Variants in IGF2BP2 observed in about 807,000 individuals in gnomAD.
The protein encoded by IGF2BP2 is insulin like growth factor 2 mRNA binding protein 2.
In IGF2BP2, 17 loss-of-function variants were observed where a neutral mutation model predicts 75.8. The observed-to-expected ratio is 0.22, with a 90% CI of 0.15 to 0.34. The LOEUF is 0.34. Ranked by LOEUF, IGF2BP2 falls within the 10% of genes least tolerant of loss-of-function variation. The probability of loss-of-function intolerance (pLI) is 1.00; values close to 1 mark genes in which losing one functional copy is unlikely to be tolerated. For synonymous variants in IGF2BP2, 288 were observed against 295.6 expected (o/e 0.97, Z 0.26); for missense variants, 516 against 772.4 (o/e 0.67, Z 3.93).
At chr3:185,684,273 G>A in intron 7 of IGF2BP2, among the ~76,000 whole-genome samples, 1 of 151,918 alleles carries the variant, frequency 6.6e-6, no homozygotes, top group Non-Finnish European at 1.5e-5. Context: ...GTCCCTTCAG[G>A]GCTCTGTCAC....
chr3:185,646,212 G>A (rs980409904), intron 15 of IGF2BP2, among the ~76,000 whole-genome samples: 1 of 152,160 alleles, frequency 6.6e-6, no homozygotes, highest in African/African-American at 2.4e-5. Context: ...ACAGGGGCGT[G>A]GCCAGGGACT....
chr3:185,763,296 T>C (rs79012218), intron 2 of IGF2BP2, among the ~76,000 whole-genome samples: 128 of 152,320 alleles, frequency 8.4e-4, no homozygotes, highest in African/African-American at 3.0e-3. Flanking sequence ...TTTTCTCTCT[T>C]CAAGGCTGAA....
intron 10 of IGF2BP2, among the ~76,000 whole-genome samples, chr3:185,668,187 G>A (rs1045007865): frequency 2.0e-5 from 3 of 152,016 alleles, no homozygotes; most frequent in African/African-American, 7.3e-5. Flanking sequence ...TAGTGTGCTG[G>A]TTACAAAAAT....
At chr3:185,652,054 G>A (rs1714687255) in intron 13 of IGF2BP2, 40 bp downstream of exon 13, 1 of 1,553,352 alleles carries the variant, frequency 6.4e-7, no homozygotes, top group Non-Finnish European at 8.8e-7. Flanking sequence ...GCTGCTCTGT[G>A]CCCAGAGCCT....
intron 2 of IGF2BP2, among the ~76,000 whole-genome samples, chr3:185,807,799 G>T (rs1362155529): frequency 6.6e-6 from 1 of 152,186 alleles, no homozygotes; most frequent in Non-Finnish European, 1.5e-5. Flanking sequence ...AAGAACTAAG[G>T]CCTCCAGCCA....
intron 2 of IGF2BP2, among the ~76,000 whole-genome samples, chr3:185,801,703 T>C (rs1254764655): frequency 6.6e-6 from 1 of 152,020 alleles, no homozygotes; most frequent in African/African-American, 2.4e-5. Context: ...CATGCTACTA[T>C]AAACACATGC....
intron 2 of IGF2BP2, among the ~76,000 whole-genome samples, chr3:185,737,625 C>T (rs1046958237): frequency 5.3e-5 from 8 of 152,188 alleles, no homozygotes; most frequent in African/African-American, 1.9e-4. Flanking sequence ...TAGTGGCATT[C>T]GCAGTAACAG....
chr3:185,650,275 TC>T, intron 13 of IGF2BP2, among the ~76,000 whole-genome samples: 1 of 148,160 alleles, frequency 6.7e-6, no homozygotes. Flanking sequence ...AACCTATCTT[TC>T]TTTTTTTTTT....
rs1191283279 is a variant in IGF2BP2 at position 185,647,259 on chromosome 3, T to C, written c.1594-121A>G. ...GAAGGAGGGGGGCTGGACTCTGCTC[T>C]CCTTTCCTTTTATCAAGGACACCCC... is the stretch of plus-strand genomic sequence containing the variant. On this transcript the variant is annotated intron_variant, in intron 14 of 15. Coordinates refer to ENST00000382199, the MANE Select transcript of IGF2BP2 (RefSeq NM_006548.6). This position sits in a 1 kb window ranked among gnomAD's most constrained non-coding sequence, Gnocchi z 4.9. 3 of 736,262 alleles carry C rather than the reference T, an allele frequency of 4.1e-6. No homozygotes were observed. In the South Asian group the frequency reaches 4.5e-5, roughly 11 times the overall value. 45.6% of individuals were successfully genotyped at this position (736,262 alleles called of 1,614,324 possible). A position where few individuals can be genotyped will look rare whatever the true frequency, so the allele number is the denominator to read the frequency against.
chr3:185,820,229 TACACATACACACACACACACACACAC>T lies in IGF2BP2; in HGVS notation c.239+2898_239+2923del, dbSNP rs1223966947. On this transcript the variant is annotated intron_variant, in intron 2 of 15. Coordinates refer to ENST00000382199, the MANE Select transcript of IGF2BP2 (RefSeq NM_006548.6). ...ATGTGTGTGTGTGTATGTGTATATATACACATACACACACACACACACACACACACACACACACACACACATAATTT... is the reference window on the plus strand; with the variant it reads ...ATGTGTGTGTGTGTATGTGTATATATACACACACACACACACACATAATTT... 4.9e-3 allele frequency among the ~76,000 whole-genome samples: 659 copies of T among 133,910 alleles called. 1 individual carries two copies. Among genetic ancestry groups the T allele is most frequent in the African/African-American group, 5.7e-3 (205 of 35,712 alleles). The allele number at this position is 133,910 out of a possible 152,430, so 87.9% of individuals were successfully genotyped here. A position where few individuals can be genotyped will look rare whatever the true frequency, so the allele number is the denominator to read the frequency against.
At chr3:185,670,359 CAT>C (rs1273259661) in intron 10 of IGF2BP2, among the ~76,000 whole-genome samples, 1 of 152,074 alleles carries the variant, frequency 6.6e-6, no homozygotes, top group African/African-American at 2.4e-5. Context: ...AGGAGCAAAT[CAT>C]AAATATTTTA....
chr3:185,668,421 T>C (rs1409023926), intron 10 of IGF2BP2, among the ~76,000 whole-genome samples: 1 of 149,844 alleles, frequency 6.7e-6, no homozygotes, highest in African/African-American at 2.5e-5. Flanking sequence ...TGGGTGAAAT[T>C]TGGATAAAAG....
At chr3:185,763,133 T>A (rs991557812) in intron 2 of IGF2BP2, among the ~76,000 whole-genome samples, 1 of 152,136 alleles carries the variant, frequency 6.6e-6, no homozygotes, top group Non-Finnish European at 1.5e-5. Flanking sequence ...TGGGATTGGA[T>A]CCAGGCACTG....
chr3:185,646,456 C>A (rs1039970551), intron 15 of IGF2BP2, among the ~76,000 whole-genome samples: 5 of 152,200 alleles, frequency 3.3e-5, no homozygotes, highest in Non-Finnish European at 7.3e-5. Context: ...AACGCTCTCC[C>A]CAAAACTCAA....
At chr3:185,753,341 T>C (rs1731197751) in intron 2 of IGF2BP2, among the ~76,000 whole-genome samples, 1 of 152,172 alleles carries the variant, frequency 6.6e-6, no homozygotes, top group Non-Finnish European at 1.5e-5. Flanking sequence ...TGTCTTCTGC[T>C]TCTCGTTTCT....
intron 10 of IGF2BP2, among the ~76,000 whole-genome samples, chr3:185,659,248 G>A (rs1715996246): frequency 6.6e-6 from 1 of 151,892 alleles, no homozygotes. Context: ...AAGAGAGAGA[G>A]TGACTGAGAG....
intron 2 of IGF2BP2, among the ~76,000 whole-genome samples, chr3:185,727,236 T>TAAAAGA (rs1400983537): frequency 7.5e-6 from 1 of 133,764 alleles, no homozygotes; most frequent in Non-Finnish European, 1.6e-5. Context: ...AAAAAAAAAG[T>TAAAAGA]AAAAGAAAAA....
At chr3:185,652,371 T>C (rs1315963031) in intron 12 of IGF2BP2, among the ~76,000 whole-genome samples, 1 of 152,158 alleles carries the variant, frequency 6.6e-6, no homozygotes, top group East Asian at 1.9e-4. Context: ...ATTTGGGTTT[T>C]TGGCCACCCA....
intron 12 of IGF2BP2, among the ~76,000 whole-genome samples, chr3:185,654,905 T>A (rs1235385504): frequency 6.6e-6 from 1 of 152,204 alleles, no homozygotes; most frequent in Non-Finnish European, 1.5e-5. Flanking sequence ...AGATCTTAGC[T>A]CAGCCCACCT....
Sources: allele counts gnomAD v4.1 joint callset (sites outside exome capture counted in the v4.1 genomes callset), GRCh38; gene constraint gnomAD v4.1.1; non-coding constraint Gnocchi (gnomAD v3.1); transcripts MANE v1.5; gene names NCBI Gene and HGNC (gene_info 2026-07-23, HGNC 2026-07-21).